The following MTAP variants were observed in gnomAD, a reference collection of about 807,000 sequenced individuals.
The protein encoded by MTAP is methylthioadenosine phosphorylase.
A neutral mutation model predicts 33.6 loss-of-function variants in MTAP; 33 were observed. The observed-to-expected ratio is 0.98, with a 90% CI of 0.74 to 1.31. The LOEUF (loss-of-function observed/expected upper bound fraction) is 1.31, where lower values mean the gene tolerates loss of function less well. Ranked by LOEUF, MTAP falls within the 40% of genes most tolerant of loss-of-function variation. The pLI is 0.00. For missense variants in MTAP, 367 were observed against 360.0 expected, an observed-to-expected ratio of 1.02 and a Z score of -0.16; for synonymous variants, 148 against 125.7, an observed-to-expected ratio of 1.18 and a Z score of -1.19.
At chr9:21,824,930 G>C (rs185854298) in intron 4 of MTAP, among the ~76,000 whole-genome samples, 1 of 152,160 alleles carries the variant, frequency 6.6e-6, no homozygotes, top group Admixed American at 6.5e-5. Context: ...CTGGTGTGCC[G>C]TTTGCTAAGA....
chr9:21,813,627 G>C (rs1383580015), intron 1 of MTAP: 5 of 152,232 alleles, frequency 3.3e-5, no homozygotes, highest in Non-Finnish European at 5.9e-5. Context: ...GTTGAATCCA[G>C]AATCTGAGAT....
chr9:21,825,225 A>G (rs373664596), intron 4 of MTAP, among the ~76,000 whole-genome samples: 8 of 152,212 alleles, frequency 5.3e-5, no homozygotes, highest in African/African-American at 1.4e-4. Flanking sequence ...AGCTGTTCCT[A>G]TTAGGCCATC....
chr9:21,806,488 G>T (rs1195937841), intron 1 of MTAP, among the ~76,000 whole-genome samples: 1 of 152,100 alleles, frequency 6.6e-6, no homozygotes, highest in Non-Finnish European at 1.5e-5. Context: ...CAGAGGCTGG[G>T]ATGCTGAGGG....
intron 4 of MTAP, among the ~76,000 whole-genome samples, chr9:21,822,205 C>A (rs1305623303): frequency 6.6e-6 from 1 of 152,092 alleles, no homozygotes; most frequent in South Asian, 2.1e-4. Flanking sequence ...TTCTCTAGTT[C>A]TTTTCATTGT....
chr9:21,933,121 T>G (rs1818989041), downstream of MTAP: 1 of 152,220 alleles, frequency 6.6e-6, no homozygotes, highest in African/African-American at 2.4e-5. Context: ...CTATCCACAC[T>G]GAGTGTAGGT....
downstream of MTAP, among the ~76,000 whole-genome samples, chr9:21,939,836 T>C (rs1212007617): frequency 1.3e-5 from 2 of 152,124 alleles, no homozygotes; most frequent in East Asian, 3.8e-4. Context: ...TGATCTGAGA[T>C]TGTGCCACTG....
chr9:21,914,273 A>G (rs939512283), intron 1 of MTAP, among the ~76,000 whole-genome samples: 20 of 152,202 alleles, frequency 1.3e-4, no homozygotes, highest in Non-Finnish European at 5.9e-5. Context: ...CAGCCATCCA[A>G]TTACTGGGTA....
intron 5 of MTAP, among the ~76,000 whole-genome samples, chr9:21,850,934 C>T (rs1193170173): frequency 6.6e-6 from 1 of 152,190 alleles, no homozygotes; most frequent in Non-Finnish European, 1.5e-5. Flanking sequence ...GCTCCTCCTG[C>T]CTTTAAGTCA....
At chr9:21,903,084 T>C (rs1174156943) in intron 1 of MTAP, among the ~76,000 whole-genome samples, 1 of 152,188 alleles carries the variant, frequency 6.6e-6, no homozygotes, top group Non-Finnish European at 1.5e-5. Flanking sequence ...AGTATAGTGA[T>C]TACAAATGAG....
chr9:21,818,618 C>T (rs113297738), intron 4 of MTAP, among the ~76,000 whole-genome samples: 5,882 of 152,228 alleles, frequency 0.039, 164 homozygotes, highest in Admixed American at 0.081. Context: ...AGCCACTGCA[C>T]CCAGCCTGTG....
In MTAP at chr9:21,837,974, T is replaced by G. The variant is rs765359371; in HGVS notation, c.414T>G (p.Ile138Met). ...SHSCARGVCHIPMAEPFCPKT... is the reference protein window; with the variant it reads ...SHSCARGVCHMPMAEPFCPKT... ...CTTGTGCCAGAGGAGTGTGCCATAT[T>G]CCAATGGCTGAGCCGTTTTGCCCCA... Residue 138 changes from isoleucine (I) to methionine (M), a missense_variant, in exon 5 of 8, where the codon ATT becomes ATG. Ile to Met is a conservative substitution (Grantham distance 10, BLOSUM62 1). Coordinates refer to ENST00000644715, the MANE Select transcript of MTAP (RefSeq NM_002451.4). The G allele has an allele frequency of 1.9e-5, 31 of 1,613,974 alleles. No homozygotes were observed. The highest frequency in any genetic ancestry group is 2.5e-5 in the Non-Finnish European group (30 of 1,180,000).
chr9:21,853,256 T>G (rs1250461878), intron 5 of MTAP, among the ~76,000 whole-genome samples: 7 of 151,862 alleles, frequency 4.6e-5, no homozygotes, highest in African/African-American at 1.7e-4. Flanking sequence ...AAGACATTAT[T>G]GAACCAGCGG....
intron 1 of MTAP, among the ~76,000 whole-genome samples, chr9:21,923,635 G>A (rs1049298506): frequency 1.1e-4 from 17 of 152,058 alleles, no homozygotes; most frequent in African/African-American, 4.1e-4. Context: ...ACCCCAGGAG[G>A]ACAGGGAACC....
chr9:21,883,962 T>G (rs1457088765), intron 1 of MTAP, among the ~76,000 whole-genome samples: 1 of 152,146 alleles, frequency 6.6e-6, no homozygotes, highest in African/African-American at 2.4e-5. Flanking sequence ...TCCAGAGGGC[T>G]GTGAAGCTGC....
At chr9:21,887,880 G>A (rs57959771) in intron 1 of MTAP, among the ~76,000 whole-genome samples, 2 of 152,060 alleles carry the variant, frequency 1.3e-5, no homozygotes, top group African/African-American at 4.8e-5. Flanking sequence ...TTGTGTGGGG[G>A]GGTTGCAGCT....
chr9:21,876,234 ATTTG>A (rs1441812571), intron 1 of MTAP, among the ~76,000 whole-genome samples: 8 of 151,890 alleles, frequency 5.3e-5, no homozygotes, highest in East Asian at 1.9e-4. Flanking sequence ...TTTCTTGTAA[ATTTG>A]TTTAAGTTCC....
At chr9:21,898,840 C>G (rs182656335) in intron 1 of MTAP, among the ~76,000 whole-genome samples, 290 of 152,242 alleles carry the variant, frequency 1.9e-3, no homozygotes, top group Admixed American at 4.6e-3. Flanking sequence ...CCTCAAGGAT[C>G]TAGAACTAGA....
At chr9:21,919,913 G>C (rs1392655559) in intron 1 of MTAP, among the ~76,000 whole-genome samples, 1 of 152,086 alleles carries the variant, frequency 6.6e-6, no homozygotes, top group Non-Finnish European at 1.5e-5. Flanking sequence ...CACTCTTTGA[G>C]GCTGAAGCAA....
chr9:21,804,593 C>T (rs1397620212), intron 1 of MTAP, among the ~76,000 whole-genome samples: 1 of 152,194 alleles, frequency 6.6e-6, no homozygotes, highest in African/African-American at 2.4e-5. Flanking sequence ...CGTAGAGATT[C>T]CATGATGCCA....
Sources: gnomAD v4.1 joint callset for allele counts (sites outside exome capture counted in the v4.1 genomes callset) on GRCh38, gnomAD v4.1.1 for gene constraint, MANE v1.5 for transcripts, NCBI Gene and HGNC (gene_info 2026-07-23, HGNC 2026-07-21) for gene names.